Variants in LSAMP observed in about 807,000 individuals in gnomAD.
The protein encoded by LSAMP is limbic system associated membrane protein, also known as limbic system-associated membrane protein.
Under a neutral mutation model 38.6 loss-of-function variants are expected in LSAMP, and 7 were observed. The ratio of observed to expected loss-of-function variants is 0.18; its 90% CI spans 0.10 to 0.34. The LOEUF (loss-of-function observed/expected upper bound fraction) is 0.34, where lower values mean the gene tolerates loss of function less well. LSAMP is among the 10% of genes least tolerant of loss of function. The pLI is 1.00. For missense variants in LSAMP, 313 were observed against 420.0 expected (o/e 0.75, Z 2.23); for synonymous variants, 154 against 166.8 (o/e 0.92, Z 0.59).
In LSAMP at chr3:115,903,906, G is replaced by T. The variant is rs1410185692; in HGVS notation, c.515-51289C>A. Among the ~76,000 whole-genome samples the T allele has an allele frequency of 3.0e-4, 46 of 152,092 alleles. 1 individual carries two copies. The highest frequency in any genetic ancestry group is 2.9e-3 in the Admixed American group (45 of 15,260). On this transcript the variant is annotated intron_variant, in intron 3 of 6. Coordinates refer to ENST00000490035, the MANE Select transcript of LSAMP (RefSeq NM_002338.5). ...TTATAACTTGTTTTTAAAAAATAAA[G>T]TCTTCCCTCCAAAATTCTTTTGAAA...
intron 1 of LSAMP, among the ~76,000 whole-genome samples, chr3:116,128,165 G>T (rs1326959704): frequency 6.6e-6 from 1 of 152,196 alleles, no homozygotes; most frequent in Non-Finnish European, 1.5e-5. Context: ...TGGAAATACT[G>T]GTGGTAAAGG....
intron 1 of LSAMP, among the ~76,000 whole-genome samples, chr3:116,366,796 T>C (rs2048360053): frequency 6.6e-6 from 1 of 152,214 alleles, no homozygotes; most frequent in South Asian, 2.1e-4. Context: ...AATGATGCTA[T>C]GTACAAAAGA....
chr3:115,874,109 G>T (rs1936120308), intron 3 of LSAMP, among the ~76,000 whole-genome samples: 2 of 152,034 alleles, frequency 1.3e-5, no homozygotes, highest in African/African-American at 4.8e-5. Flanking sequence ...CTTGAATATT[G>T]CCTCTGAATA....
intron 1 of LSAMP, among the ~76,000 whole-genome samples, chr3:116,296,558 C>G (rs1167525583): frequency 6.6e-6 from 1 of 151,752 alleles, no homozygotes; most frequent in Non-Finnish European, 1.5e-5. Flanking sequence ...TGGTGGGTGC[C>G]GTGGCGGGCG....
chr3:115,986,281 G>T (rs1456211868), intron 3 of LSAMP, among the ~76,000 whole-genome samples: 1 of 152,104 alleles, frequency 6.6e-6, no homozygotes, highest in Non-Finnish European at 1.5e-5. Context: ...GAAAGCAAAA[G>T]AAATAAAACA....
chr3:116,143,333 CTT>C (rs1268658976), intron 1 of LSAMP, among the ~76,000 whole-genome samples: 33 of 151,756 alleles, frequency 2.2e-4, no homozygotes, highest in Admixed American at 1.5e-3. Context: ...ATTTGACACT[CTT>C]ATGTTTTAAA....
chr3:116,052,847 C>T (rs900327798), intron 2 of LSAMP, among the ~76,000 whole-genome samples: 1 of 152,172 alleles, frequency 6.6e-6, no homozygotes, highest in African/African-American at 2.4e-5. Flanking sequence ...ATTGTACATG[C>T]TCCCTGGACT....
chr3:116,189,622 G>A (rs993332700), intron 1 of LSAMP, among the ~76,000 whole-genome samples: 2 of 152,116 alleles, frequency 1.3e-5, no homozygotes, highest in Admixed American at 1.3e-4. Flanking sequence ...TTGGATTCAG[G>A]GTAGAAGAAA....
At chr3:116,424,689 A>G (rs2049171874) in intron 1 of LSAMP, among the ~76,000 whole-genome samples, 1 of 152,210 alleles carries the variant, frequency 6.6e-6, no homozygotes, top group Non-Finnish European at 1.5e-5. Context: ...AATAAATTCT[A>G]CAGAACCTAG....
chr3:115,919,153 C>T (rs1466047717), intron 3 of LSAMP, among the ~76,000 whole-genome samples: 4 of 152,216 alleles, frequency 2.6e-5, no homozygotes, highest in South Asian at 2.1e-4. Context: ...ACTGTCCTGC[C>T]GGATATTGGG....
intron 3 of LSAMP, among the ~76,000 whole-genome samples, chr3:115,994,336 C>A (rs1466476097): frequency 6.6e-6 from 1 of 152,010 alleles, no homozygotes; most frequent in Non-Finnish European, 1.5e-5. Flanking sequence ...GTCAGTCTCA[C>A]TATAGATATG....
Position 115,842,587 on chromosome 3 carries a change from A to G in LSAMP, c.650-9T>C. On this transcript the variant is annotated splice_polypyrimidine_tract_variant and intron_variant, in intron 4 of 6. Coordinates refer to ENST00000490035, the MANE Select transcript of LSAMP (RefSeq NM_002338.5). ...TGTGATAGTGGGAGGATCTGTAGGA[A>G]GGACAGGCACACAAGTTTACATGAG... is the stretch of plus-strand genomic sequence containing the variant. The G allele has an allele frequency of 6.2e-7, 1 of 1,612,880 alleles. No individual in the cohort carries two copies.
intron 3 of LSAMP, among the ~76,000 whole-genome samples, chr3:115,991,333 A>C (rs1216673276): frequency 6.6e-6 from 1 of 152,046 alleles, no homozygotes; most frequent in African/African-American, 2.4e-5. Flanking sequence ...CCTAATCTTC[A>C]GTATCCTCAT....
At chr3:116,436,213 G>T (rs2049347597) in intron 1 of LSAMP, among the ~76,000 whole-genome samples, 1 of 152,114 alleles carries the variant, frequency 6.6e-6, no homozygotes, top group Non-Finnish European at 1.5e-5. Context: ...ATGGATTAAG[G>T]ACTTAAACTT....
intron 1 of LSAMP, among the ~76,000 whole-genome samples, chr3:116,408,294 A>T (rs1207222124): frequency 2.0e-5 from 3 of 152,094 alleles, no homozygotes; most frequent in Non-Finnish European, 4.4e-5. Context: ...CATCAATGCT[A>T]TGTGTTTGTT....
At chr3:116,023,778 C>T (rs531918145) in intron 2 of LSAMP, among the ~76,000 whole-genome samples, 81 of 152,120 alleles carry the variant, frequency 5.3e-4, no homozygotes, top group Non-Finnish European at 5.1e-4. Flanking sequence ...CTTTTAAATA[C>T]GGTTTAATAG....
chr3:116,183,414 A>G (rs1710535518), intron 1 of LSAMP, among the ~76,000 whole-genome samples: 1 of 151,900 alleles, frequency 6.6e-6, no homozygotes, highest in African/African-American at 2.4e-5. Context: ...AATAGAGGAT[A>G]GTGTATCAGG....
intron 2 of LSAMP, among the ~76,000 whole-genome samples, chr3:116,048,971 A>G (rs1941342764): frequency 6.6e-6 from 1 of 152,222 alleles, no homozygotes; most frequent in African/African-American, 2.4e-5. Context: ...AAGAATATGC[A>G]GGAATGAATT....
At chr3:116,184,265 C>A (rs1005125006) in intron 1 of LSAMP, among the ~76,000 whole-genome samples, 2 of 151,810 alleles carry the variant, frequency 1.3e-5, no homozygotes, top group Non-Finnish European at 2.9e-5. Context: ...GATTTTACTA[C>A]CATTATTTCC....
Sources: allele counts gnomAD v4.1 joint callset (sites outside exome capture counted in the v4.1 genomes callset), GRCh38; gene constraint gnomAD v4.1.1; transcripts MANE v1.5; gene names NCBI Gene and HGNC (gene_info 2026-07-23, HGNC 2026-07-21).